The following SUB1 variants were observed in gnomAD, a reference collection of about 807,000 sequenced individuals.
SUB1 encodes activated RNA polymerase II transcriptional coactivator p15.
A neutral mutation model predicts 16.9 loss-of-function variants in SUB1; 1 was observed. That is an observed-to-expected ratio of 0.06 (90% CI 0.02 to 0.28). The LOEUF (loss-of-function observed/expected upper bound fraction) is 0.28. Ranked by LOEUF, SUB1 falls within the 10% of genes least tolerant of loss-of-function variation. The pLI, the probability that SUB1 is intolerant of heterozygous loss-of-function variation, is 1.00. For missense variants in SUB1, 84 were observed against 145.2 expected, an observed-to-expected ratio of 0.58 and a Z score of 2.16; for synonymous variants, 51 against 46.9, an observed-to-expected ratio of 1.09 and a Z score of -0.36.
At chr5:32,590,280 ACATT>A (rs996230164) in intron 2 of SUB1, among the ~76,000 whole-genome samples, 1 of 152,164 alleles carries the variant, frequency 6.6e-6, no homozygotes, top group Non-Finnish European at 1.5e-5. Flanking sequence ...TAATTTGGTA[ACATT>A]CAATTAATTT....
intron 3 of SUB1, among the ~76,000 whole-genome samples, chr5:32,592,283 A>G (rs374664125): frequency 4.6e-5 from 7 of 152,348 alleles, no homozygotes; most frequent in South Asian, 2.1e-4. Flanking sequence ...TGGGACAGTA[A>G]AGTATGAATA....
intron 3 of SUB1, chr5:32,594,891 A>G (rs1433528110): frequency 6.1e-6 from 1 of 164,366 alleles, no homozygotes; most frequent in African/African-American, 2.4e-5. Context: ...CCACTGCTTT[A>G]TCAGATCTTC....
In SUB1 at chr5:32,588,371, C is replaced by T. The variant is rs1000676750; in HGVS notation, c.-1-141C>T. 8.8e-6 allele frequency: 6 copies of T among 679,216 alleles called. No homozygotes were observed. In the South Asian group the frequency reaches 1.0e-4, roughly 12 times the overall value. The allele number at this position is 679,216 out of a possible 1,614,324, so 42.1% of individuals were successfully genotyped here. A position where few individuals can be genotyped will look rare whatever the true frequency, so the allele number is the denominator to read the frequency against. Reference sequence around the variant, plus strand: ...AAGGGTATAGATTAAAACTTGTGCTCAGTGTAACAACTCAGTACCACAAAA... The same window carrying T: ...AAGGGTATAGATTAAAACTTGTGCTTAGTGTAACAACTCAGTACCACAAAA... On this transcript the variant is annotated intron_variant, in intron 1 of 4. Transcript: ENST00000265073.
chr5:32,588,143 A>G (rs745806007), intron 1 of SUB1, among the ~76,000 whole-genome samples: 1 of 152,224 alleles, frequency 6.6e-6, no homozygotes, highest in Non-Finnish European at 1.5e-5. Context: ...TAGTAGAATT[A>G]CATTTCTTCT....
chr5:32,588,268 T>C (rs1420461296), intron 1 of SUB1, among the ~76,000 whole-genome samples: 1 of 152,106 alleles, frequency 6.6e-6, no homozygotes, highest in Non-Finnish European at 1.5e-5. Context: ...AGGTTAGAGG[T>C]GTAGGAGTGT....
chr5:32,589,853 C>CT lies in SUB1; in HGVS notation c.72+1279dup, dbSNP rs72415836. 1.5e-4 allele frequency among the ~76,000 whole-genome samples: 23 copies of CT among 149,620 alleles called. No homozygotes were observed. In the East Asian group the frequency reaches 2.3e-3, roughly 15 times the overall value. On this transcript the variant is annotated intron_variant, in intron 2 of 4. Transcript: ENST00000265073. ...TATTCAAAAGAAGCAGGCTCCCTATCTTTTTTTTTTCCTCCTGAAGCTTAG... is the reference window on the plus strand; with the variant it reads ...TATTCAAAAGAAGCAGGCTCCCTATCTTTTTTTTTTTCCTCCTGAAGCTTAG...
At chr5:32,596,239 TTCA>T (rs1222023091) in intron 3 of SUB1, 2 of 152,208 alleles carry the variant, frequency 1.3e-5, no homozygotes, top group Admixed American at 6.5e-5. Flanking sequence ...TTCTGGTCAG[TTCA>T]TCATTTTCTT....
intron 4 of SUB1, among the ~76,000 whole-genome samples, chr5:32,600,477 T>G (rs902210352): frequency 6.6e-6 from 1 of 152,362 alleles, no homozygotes; most frequent in East Asian, 1.9e-4. Context: ...CAATAGGTAC[T>G]ATGCAGGATG....
rs1561033588 is a variant in SUB1 at position 32,590,785 on chromosome 5, T to TTTTTTTTTTTTTTG, written c.73-778_73-777insTTTTTTTTTTTTTG. On this transcript the variant is annotated intron_variant, in intron 2 of 4. Coordinates refer to ENST00000265073, the MANE Select transcript of SUB1 (RefSeq NM_006713.4). ...TAATTTTTTTTTTTTTTTTTTTTTT[T>TTTTTTTTTTTTTTG]GAGATGGAGTATCGCTCTGTTGCCC... is the stretch of plus-strand genomic sequence containing the variant. Among the ~76,000 whole-genome samples the TTTTTTTTTTTTTTG allele has an allele frequency of 4.6e-5, 6 of 131,860 alleles. 1 individual carries two copies. Among genetic ancestry groups the TTTTTTTTTTTTTTG allele is most frequent in the Non-Finnish European group, 8.2e-5 (5 of 61,008 alleles). 86.5% of individuals were successfully genotyped at this position (131,860 alleles called of 152,430 possible).
intron 3 of SUB1, chr5:32,594,846 G>T: frequency 5.5e-6 from 1 of 182,216 alleles, no homozygotes; most frequent in Admixed American, 5.6e-5. Flanking sequence ...ATTGTCTTCC[G>T]TGAGACTGGT....
At chr5:32,592,810 A>G (rs1364576521) in intron 3 of SUB1, among the ~76,000 whole-genome samples, 1 of 152,180 alleles carries the variant, frequency 6.6e-6, no homozygotes, top group Non-Finnish European at 1.5e-5. Flanking sequence ...TGCCTACTGA[A>G]GTATTAAACA....
chr5:32,591,457 G>A, intron 2 of SUB1, 106 bp from the exon 3 acceptor site: 5 of 1,381,680 alleles, frequency 3.6e-6, no homozygotes, highest in African/African-American at 1.5e-5. Flanking sequence ...ATGATATTTT[G>A]GATGTAGTCT....
At chr5:32,593,393 A>G (rs1034544964) in intron 3 of SUB1, among the ~76,000 whole-genome samples, 4 of 152,184 alleles carry the variant, frequency 2.6e-5, no homozygotes, top group Non-Finnish European at 4.4e-5. Flanking sequence ...GAGTGCCAAG[A>G]TTAAGGTGAG....
chr5:32,596,302 C>A (rs1389802214), intron 3 of SUB1: 3 of 152,182 alleles, frequency 2.0e-5, no homozygotes, highest in Non-Finnish European at 4.4e-5. Flanking sequence ...AGGCCAAGAC[C>A]CCTGTGGCTC....
intron 3 of SUB1, chr5:32,596,171 G>A (rs1036607803): frequency 6.6e-6 from 1 of 152,196 alleles, no homozygotes; most frequent in African/African-American, 2.4e-5. Context: ...GGGACTGGCA[G>A]TTGGTCAGGG....
chr5:32,593,530 C>T (rs139808735), intron 3 of SUB1, among the ~76,000 whole-genome samples: 122 of 152,142 alleles, frequency 8.0e-4, no homozygotes, highest in African/African-American at 2.9e-3. Flanking sequence ...AGATTCTGTT[C>T]TGTTAAGAGG....
chr5:32,587,228 G>A (rs1738696397), intron 1 of SUB1, among the ~76,000 whole-genome samples: 1 of 152,158 alleles, frequency 6.6e-6, no homozygotes, highest in Admixed American at 6.5e-5. Context: ...TGGGTTAATA[G>A]GACCTAATCT....
rs1421341228 is a variant in SUB1 at position 32,602,329 on chromosome 5, C to T, written c.*1245C>T. The T allele has an allele frequency of 6.5e-5, 27 of 418,048 alleles. No homozygotes were observed. In the East Asian group the frequency reaches 1.7e-3, roughly 27 times the overall value. The allele number at this position is 418,048 out of a possible 1,614,324, so 25.9% of individuals were successfully genotyped here. A position where few individuals can be genotyped will look rare whatever the true frequency, so the allele number is the denominator to read the frequency against. On this transcript the variant is annotated 3_prime_UTR_variant, in exon 5 of 5. Coordinates refer to ENST00000265073, the MANE Select transcript of SUB1 (RefSeq NM_006713.4). ...GCGGCAGTGAAGAGGAAATAATTCT[C>T]TTCTATCTAAATGATATACATATGA...
chr5:32,593,483 T>C (rs994571949), intron 3 of SUB1, among the ~76,000 whole-genome samples: 1 of 152,186 alleles, frequency 6.6e-6, no homozygotes, highest in African/African-American at 2.4e-5. Flanking sequence ...ATAGACAAAG[T>C]GCAGATGAAC....
Sources: gnomAD v4.1 joint callset for allele counts (sites outside exome capture counted in the v4.1 genomes callset) on GRCh38, gnomAD v4.1.1 for gene constraint, MANE v1.5 for transcripts, NCBI Gene and HGNC (gene_info 2026-07-23, HGNC 2026-07-21) for gene names.